Variants in FIZ1 observed in about 807,000 individuals in gnomAD.
FIZ1 encodes the protein flt3-interacting zinc finger protein 1.
FIZ1 carries 2 observed loss-of-function variants against 5.3 expected under a neutral mutation model. That is an observed-to-expected ratio of 0.37 (90% CI 0.15 to 1.18). The LOEUF (loss-of-function observed/expected upper bound fraction) is 1.18, where lower values mean the gene tolerates loss of function less well. Ranked by LOEUF, FIZ1 falls within the 50% of genes most tolerant of loss-of-function variation. The probability of loss-of-function intolerance (pLI) is 0.37; values close to 1 mark genes in which losing one functional copy is unlikely to be tolerated. For missense variants in FIZ1, 631 were observed against 749.7 expected, an observed-to-expected ratio of 0.84 and a Z score of 1.85; for synonymous variants, 407 against 364.2, an observed-to-expected ratio of 1.12 and a Z score of -1.34.
chr19:55,592,630 A>C lies in FIZ1; in HGVS notation c.1311T>G (p.Thr437=). 6.2e-7 allele frequency: 1 copy of C among 1,613,458 alleles called. No individual in the cohort carries two copies. Among genetic ancestry groups the C allele is most frequent in the Non-Finnish European group, 8.5e-7 (1 of 1,179,878 alleles). Residue 437 remains threonine, a synonymous_variant, in exon 3 of 3, where the codon ACT becomes ACG. Coordinates refer to ENST00000221665, the MANE Select transcript of FIZ1 (RefSeq NM_032836.3). This position sits in a 1 kb window ranked among gnomAD's most constrained non-coding sequence, Gnocchi z 6.9. ...CCAGGCACGGGAACGGCTTCTCGCC[A>C]GTGTGCACCAGCACGTGCCGCTCCA... The part of the protein sequence containing the change: ...RDLERHVLVH[T]GEKPFPCLEC...
At position 55,592,073 on chromosome 19, in the gene FIZ1, T is replaced by C. The variant is rs1980028692; in HGVS notation, c.*377A>G. The C allele has an allele frequency of 9.5e-6, 2 of 210,680 alleles. No homozygotes were observed. The highest frequency in any genetic ancestry group is 1.9e-5 in the Non-Finnish European group (2 of 107,356). The allele number at this position is 210,680 out of a possible 1,614,324, so 13.1% of individuals were successfully genotyped here. On this transcript the variant is annotated 3_prime_UTR_variant, in exon 3 of 3. Transcript: ENST00000221665. This position sits in a 1 kb window ranked among gnomAD's most constrained non-coding sequence, Gnocchi z 6.9. ...TGGGGCAGTCTTCCCTTGGTGGGGGTGGGTGCCCATCTTTTAGTATTAGGG... is the reference window on the plus strand; with the variant it reads ...TGGGGCAGTCTTCCCTTGGTGGGGGCGGGTGCCCATCTTTTAGTATTAGGG...
In FIZ1 at chr19:55,592,761, G is replaced by T; in HGVS notation, c.1180C>A (p.Arg394=). ...GGGEEAATAA[R]EREPASGEPP... is the part of the protein sequence containing the mutation. ...TCCCCGGACGCCGGTTCCCTTTCCCGGGCGGCGGTCGCCGCCTCCTCCCCG... is the reference window on the plus strand; with the variant it reads ...TCCCCGGACGCCGGTTCCCTTTCCCTGGCGGCGGTCGCCGCCTCCTCCCCG... The change falls in exon 3 of 3, where the codon CGG becomes AGG. Residue 394 remains arginine (R), a synonymous_variant. Transcript: ENST00000221665. The surrounding 1 kb of genome is among the most constrained non-coding windows in gnomAD (Gnocchi z 6.9). 1 of 1,604,468 alleles carries T rather than the reference G, an allele frequency of 6.2e-7. No homozygotes were observed. The highest frequency in any genetic ancestry group is 8.5e-7 in the Non-Finnish European group (1 of 1,177,510).
chr19:55,593,206 C>A lies in FIZ1; in HGVS notation c.735G>T (p.Arg245=). The A allele has an allele frequency of 8.2e-7, 1 of 1,212,172 alleles. No homozygotes were observed. The highest frequency in any genetic ancestry group is 2.2e-5 in the South Asian group (1 of 46,134). 75.1% of individuals were successfully genotyped at this position (1,212,172 alleles called of 1,614,324 possible). ...RDFNAPALLE[R]HKLTHDLQGP... is the part of the protein sequence containing the mutation. ...CCTGCAGGTCGTGCGTCAGCTTGTG[C>A]CGCTCCAGCAGCGCGGGCGCGTTGA... Residue 245 remains arginine (R), a synonymous_variant, in exon 3 of 3, where the codon CGG becomes CGT. Coordinates refer to ENST00000221665, the MANE Select transcript of FIZ1 (RefSeq NM_032836.3). This position sits in a 1 kb window ranked among gnomAD's most constrained non-coding sequence, Gnocchi z 6.3.
In FIZ1 at chr19:55,597,586, G is replaced by A. The variant is rs760264112; in HGVS notation, c.280C>T (p.Leu94=). 7.4e-6 allele frequency: 12 copies of A among 1,611,466 alleles called. No homozygotes were observed. The Admixed American group carries it at 1.5e-4, about 20-fold the overall frequency. ...GTGGGACTCACCTGGTGGTGCAGCA[G>A]GCCGGTGGAGTCGCGGAACCCCTTG... is the stretch of plus-strand genomic sequence containing the variant. The part of the protein sequence containing the change: ...CPKGFRDSTG[L]LHHQVVHTGE... The change falls in exon 2 of 3, where the codon CTG becomes TTG. Residue 94 remains leucine, a synonymous_variant. Coordinates refer to ENST00000221665, the MANE Select transcript of FIZ1 (RefSeq NM_032836.3).
Position 55,593,037 on chromosome 19 carries a change from C to A in FIZ1, c.904G>T (p.Val302Leu), listed in dbSNP as rs140345372. The change falls in exon 3 of 3, where the codon GTG (valine) becomes TTG (leucine). Residue 302 changes from valine (V) to leucine (L), a missense_variant. Val to Leu is a conservative substitution (Grantham distance 32). Around this residue, in one of 4 missense-constraint regions of FIZ1, gnomAD observed 463 missense variants for 455.1 expected, o/e 1.02. Transcript: ENST00000221665. The surrounding 1 kb of genome is among the most constrained non-coding windows in gnomAD (Gnocchi z 6.3). ...RLLLGPAGGG[V>L]PKLGGLLPEG... ...GGGAGCAGCCCCCCGAGCTTGGGCA[C>A]GCCGCCCCCCGCGGGGCCCAGGAGC... 1.4e-3 allele frequency: 1,930 copies of A among 1,407,810 alleles called. 29 individuals are homozygous for A. The African/African-American group carries it at 0.027, about 20-fold the overall frequency. The allele number at this position is 1,407,810 out of a possible 1,614,324, so 87.2% of individuals were successfully genotyped here.
rs1346634381 is a variant in FIZ1 at position 55,593,105 on chromosome 19, G to T, written c.836C>A (p.Ala279Asp). The change falls in exon 3 of 3, where the codon GCT (alanine) becomes GAT (aspartate). Residue 279 changes from alanine (A) to aspartate (D), a missense_variant. Transcript: ENST00000221665. The surrounding 1 kb of genome is among the most constrained non-coding windows in gnomAD (Gnocchi z 6.3). ...CAGAGGAGCGTCGCCCGCCTCCGCA[G>T]CGGTGCCTTCGCCCGCCGTCTCGGG... ...AGPETAGEGT[A>D]AEAGDAPLAS... 3 of 1,303,744 alleles carry T rather than the reference G, an allele frequency of 2.3e-6. No individual in the cohort carries two copies. Among genetic ancestry groups the T allele is most frequent in the Non-Finnish European group, 2.9e-6 (3 of 1,028,296 alleles). 80.8% of individuals were successfully genotyped at this position (1,303,744 alleles called of 1,614,324 possible).
At position 55,593,355 on chromosome 19, in the gene FIZ1, A is replaced by C. The variant is rs1401911559; in HGVS notation, c.586T>G (p.Ser196Ala). 32 of 1,343,198 alleles carry C rather than the reference A, an allele frequency of 2.4e-5. No individual in the cohort carries two copies. Among genetic ancestry groups the C allele is most frequent in the Non-Finnish European group, 6.6e-6 (7 of 1,054,550 alleles). 83.2% of individuals were successfully genotyped at this position (1,343,198 alleles called of 1,614,324 possible). A position where few individuals can be genotyped will look rare whatever the true frequency, so the allele number is the denominator to read the frequency against. ...GCGCCGCACGCAAATGGGGGCAAGGAGGCCGCGGCCGCAGCTGCCGCCTCT... is the reference window on the plus strand; with the variant it reads ...GCGCCGCACGCAAATGGGGGCAAGGCGGCCGCGGCCGCAGCTGCCGCCTCT... ...LAEAAAAAAA[S>A]LPPFACGACA... Residue 196 changes from serine (S) to alanine (A), a missense_variant, in exon 3 of 3, where the codon TCC becomes GCC. By Grantham distance (99) the Ser-to-Ala change is moderately conservative. This residue lies in a region of FIZ1 where 463 missense variants were observed against 455.1 expected (regional missense o/e 1.02). Coordinates refer to ENST00000221665, the MANE Select transcript of FIZ1 (RefSeq NM_032836.3). This position sits in a 1 kb window ranked among gnomAD's most constrained non-coding sequence, Gnocchi z 6.3.
chr19:55,597,132 C>T (rs112420625), intron 2 of FIZ1, among the ~76,000 whole-genome samples: 17 of 152,152 alleles, frequency 1.1e-4, no homozygotes, highest in African/African-American at 3.9e-4. Context: ...GCAACACAGC[C>T]GTTTGGTGCA....
chr19:55,597,991 C>T (rs1980413600), intron 1 of FIZ1, 90 bp from the exon 2 acceptor site: 2 of 1,352,378 alleles, frequency 1.5e-6, no homozygotes. Flanking sequence ...CCACCTGTCC[C>T]CTGGGAGACC....
At position 55,593,573 on chromosome 19, in the gene FIZ1, C is replaced by T. The variant is rs1168231968; in HGVS notation, c.368G>A (p.Gly123Asp). Residue 123 changes from glycine to aspartate, a missense_variant, in exon 3 of 3, where the codon GGC becomes GAC. Gly to Asp is a moderately conservative substitution (Grantham distance 94). Coordinates refer to ENST00000221665, the MANE Select transcript of FIZ1 (RefSeq NM_032836.3). The surrounding 1 kb of genome is among the most constrained non-coding windows in gnomAD (Gnocchi z 6.3). ...ELRFSSRSSL[G>D]RHLKRQHRGV... ...ACGGTGCTGGCGCTTGAGGTGGCGG[C>T]CCAGGCTGGAGCGTGAGGAGAAGCG... The T allele has an allele frequency of 6.4e-7, 1 of 1,551,242 alleles. No homozygotes were observed. Among genetic ancestry groups the T allele is most frequent in the Non-Finnish European group, 8.7e-7 (1 of 1,146,978 alleles).
chr19:55,595,400 G>A (rs999600843), intron 2 of FIZ1, among the ~76,000 whole-genome samples: 1 of 152,122 alleles, frequency 6.6e-6, no homozygotes. Context: ...TGTACATGCT[G>A]TTCTCACTGC....
In FIZ1 at chr19:55,597,852, G is replaced by A; in HGVS notation, c.14C>T (p.Pro5Leu). ...CGGTGCTGGTGCAGGGGTTGGGGCG[G>A]GGACGTCATCCATGGTGGCGGGGAA... Reference protein sequence around the residue: MDDVPAPTPAPAPPA... With the variant: MDDVLAPTPAPAPPA... Residue 5 changes from proline (P) to leucine (L), a missense_variant, in exon 2 of 3, where the codon CCC becomes CTC. Pro to Leu is a moderately conservative substitution (Grantham distance 98). Coordinates refer to ENST00000221665, the MANE Select transcript of FIZ1 (RefSeq NM_032836.3). 6.3e-7 allele frequency: 1 copy of A among 1,594,860 alleles called. No homozygotes were observed. The highest frequency in any genetic ancestry group is 8.5e-7 in the Non-Finnish European group (1 of 1,170,878).
Sources: allele counts gnomAD v4.1 joint callset (sites outside exome capture counted in the v4.1 genomes callset), GRCh38; gene constraint gnomAD v4.1.1; regional missense constraint gnomAD v4.1.1; non-coding constraint Gnocchi (gnomAD v3.1); transcripts MANE v1.5; gene names NCBI Gene and HGNC (gene_info 2026-07-23, HGNC 2026-07-21).